The following MAGEL2 variants were observed in gnomAD, a reference collection of about 807,000 sequenced individuals.
The protein encoded by MAGEL2 is MAGE-like protein 2.
For synonymous variants in MAGEL2, 792 were observed against 721.7 expected (o/e 1.10, Z -1.56); for missense variants, 1,830 against 1,699.2 (o/e 1.08, Z -1.35).
At position 23,646,739 on chromosome 15, in the gene MAGEL2, G is replaced by T. The variant is rs1271822234; in HGVS notation, c.1004C>A (p.Pro335His). The change falls in exon 1 of 1, where the codon CCT (proline) becomes CAT (histidine). Residue 335 changes from proline (P) to histidine (H), a missense_variant. Coordinates refer to ENST00000650528, the MANE Select transcript of MAGEL2 (RefSeq NM_019066.5). The surrounding 1 kb of genome is among the most constrained non-coding windows in gnomAD (Gnocchi z 4.2). Reference sequence around the variant, plus strand: ...TTGAGACTGGATTTGCAGGATCAGAGGCTGAGCCTGCGGGGCCCAAGAAGC... The same window carrying T: ...TTGAGACTGGATTTGCAGGATCAGATGCTGAGCCTGCGGGGCCCAAGAAGC... ...PMASWAPQAQ[P>H]LILQIQSQVI... 9 of 1,534,568 alleles carry T rather than the reference G, an allele frequency of 5.9e-6. No individual in the cohort carries two copies. The highest frequency in any genetic ancestry group is 7.9e-6 in the Non-Finnish European group (9 of 1,145,950).
At position 23,644,612 on chromosome 15, in the gene MAGEL2, G is replaced by C. The variant is rs1267004913; in HGVS notation, c.3131C>G (p.Ser1044Trp). 1.2e-6 allele frequency: 2 copies of C among 1,613,812 alleles called. No homozygotes were observed. The highest frequency in any genetic ancestry group is 2.2e-5 in the South Asian group (2 of 91,056). Residue 1044 changes from serine to tryptophan, a missense_variant, in exon 1 of 1, where the codon TCG becomes TGG. Physicochemically the swap from Ser to Trp is radical, Grantham distance 177. Transcript: ENST00000650528. Reference sequence around the variant, plus strand: ...TCGGAGGATGACTTTCACCATCTCCGAGCGCTGGACAGGCACCTTGGCTTG... The same window carrying C: ...TCGGAGGATGACTTTCACCATCTCCCAGCGCTGGACAGGCACCTTGGCTTG... ...KDQAKVPVQRSEMVKVILREY... is the reference protein window; with the variant it reads ...KDQAKVPVQRWEMVKVILREY...
Position 23,644,897 on chromosome 15 carries a change from G to A in MAGEL2, c.2846C>T (p.Pro949Leu). Residue 949 changes from proline (P) to leucine (L), a missense_variant, in exon 1 of 1, where the codon CCT becomes CTT. Coordinates refer to ENST00000650528, the MANE Select transcript of MAGEL2 (RefSeq NM_019066.5). Reference protein sequence around the residue: ...TPRGLSGWEGPSTSRILSGWE... With the variant: ...TPRGLSGWEGLSTSRILSGWE... ...GCCACTCAGGATCCTGGAGGTGCTA[G>A]GGCCCTCCCAACCACTCAGGCCACG... 2 of 1,612,958 alleles carry A rather than the reference G, an allele frequency of 1.2e-6. No homozygotes were observed. Among genetic ancestry groups the A allele is most frequent in the South Asian group, 2.2e-5 (2 of 91,080 alleles).
rs756631995 is a variant in MAGEL2, at chr15:23,643,944, A to T, written c.*49T>A. ...AACAAAAATGTCCCCCCACCCTGTC[A>T]GTGGCCTCTGGCCAGGGAAACACAG... On this transcript the variant is annotated 3_prime_UTR_variant, in exon 1 of 1. Transcript: ENST00000650528. 6 of 1,494,870 alleles carry T rather than the reference A, an allele frequency of 4.0e-6. No homozygotes were observed. In the Admixed American group the frequency reaches 1.4e-4, roughly 35 times the overall value. The allele number at this position is 1,494,870 out of a possible 1,614,324, so 92.6% of individuals were successfully genotyped here.
chr15:23,646,784 G>A lies in MAGEL2; in HGVS notation c.959C>T (p.Ala320Val), dbSNP rs541606785. Residue 320 changes from alanine (A) to valine (V), a missense_variant, in exon 1 of 1, where the codon GCC (alanine) becomes GTC (valine). Coordinates refer to ENST00000650528, the MANE Select transcript of MAGEL2 (RefSeq NM_019066.5). This position sits in a 1 kb window ranked among gnomAD's most constrained non-coding sequence, Gnocchi z 4.2. ...QPAAPPAQPM[A>V]PPAQPMASWA... The stretch of plus-strand genomic sequence containing the variant: ...AGAAGCCATCGGCTGTGCAGGTGGG[G>A]CCATCGGCTGTGCAGGTGGGGCCGC... The A allele has an allele frequency of 3.9e-6, 6 of 1,535,036 alleles. No homozygotes were observed. The highest frequency in any genetic ancestry group is 5.2e-6 in the Non-Finnish European group (6 of 1,146,808).
Position 23,645,112 on chromosome 15 carries a change from C to A in MAGEL2, c.2631G>T (p.Glu877Asp). Residue 877 changes from glutamate (E) to aspartate (D), a missense_variant, in exon 1 of 1, where the codon GAG becomes GAT. Transcript: ENST00000650528. ...TTQEASKTSV[E>D]PPRRSGKATR... ...TGGCCTTGCCGGAGCGGCGTGGCGG[C>A]TCGACGGAGGTCTTGGAGGCCTCTT... 1 of 1,613,806 alleles carries A rather than the reference C, an allele frequency of 6.2e-7. No homozygotes were observed. The highest frequency in any genetic ancestry group is 1.7e-5 in the Admixed American group (1 of 60,030).
At position 23,646,097 on chromosome 15, in the gene MAGEL2, G is replaced by A. The variant is rs1372142044; in HGVS notation, c.1646C>T (p.Thr549Met). ...APQVPTAPPATQVPAAPPAGP... is the reference protein window; with the variant it reads ...APQVPTAPPAMQVPAAPPAGP... Reference sequence around the variant, plus strand: ...AGCGGGCGGCGCCGCGGGTACCTGCGTAGCAGGTGGGGCCGTAGGCACCTG... The same window carrying A: ...AGCGGGCGGCGCCGCGGGTACCTGCATAGCAGGTGGGGCCGTAGGCACCTG... Residue 549 changes from threonine to methionine, a missense_variant, in exon 1 of 1, where the codon ACG becomes ATG. Transcript: ENST00000650528. The surrounding 1 kb of genome is among the most constrained non-coding windows in gnomAD (Gnocchi z 4.2). 7.0e-7 allele frequency: 1 copy of A among 1,431,462 alleles called. No individual in the cohort carries two copies. Among genetic ancestry groups the A allele is most frequent in the Non-Finnish European group, 9.1e-7 (1 of 1,101,608 alleles). 88.7% of individuals were successfully genotyped at this position (1,431,462 alleles called of 1,614,324 possible).
Position 23,644,620 on chromosome 15 carries a change from G to A in MAGEL2, c.3123C>T (p.Val1041=), listed in dbSNP as rs1890350309. ...TGACTTTCACCATCTCCGAGCGCTG[G>A]ACAGGCACCTTGGCTTGGTCCTTGA... ...LLVKDQAKVP[V]QRSEMVKVIL... is the part of the protein sequence containing the mutation. Residue 1041 remains valine (V), a synonymous_variant, in exon 1 of 1, where the codon GTC becomes GTT. Transcript: ENST00000650528. 6.2e-7 allele frequency: 1 copy of A among 1,613,870 alleles called. No individual in the cohort carries two copies.
rs1159570078 is a variant in MAGEL2 at position 23,646,855 on chromosome 15, A to G, written c.888T>C (p.Ala296=). ...VLMIHPPGAR[A]PMTQPPASGA... is the part of the protein sequence containing the mutation. ...CTGAAGCTGGAGGCTGGGTCATCGGAGCTCTCGCACCTGGAGGATGAATCA... is the reference window on the plus strand; with the variant it reads ...CTGAAGCTGGAGGCTGGGTCATCGGGGCTCTCGCACCTGGAGGATGAATCA... Residue 296 remains alanine, a synonymous_variant, in exon 1 of 1, where the codon GCT becomes GCC. Coordinates refer to ENST00000650528, the MANE Select transcript of MAGEL2 (RefSeq NM_019066.5). The surrounding 1 kb of genome is among the most constrained non-coding windows in gnomAD (Gnocchi z 4.2). The G allele has an allele frequency of 1.3e-6, 2 of 1,535,774 alleles. No homozygotes were observed. The highest frequency in any genetic ancestry group is 4.9e-5 in the East Asian group (2 of 40,810).
chr15:23,644,668 A>T lies in MAGEL2; in HGVS notation c.3075T>A (p.Asn1025Lys), dbSNP rs758835928. The T allele has an allele frequency of 6.2e-7, 1 of 1,613,718 alleles. No homozygotes were observed. The highest frequency in any genetic ancestry group is 8.5e-7 in the Non-Finnish European group (1 of 1,179,890). Residue 1025 changes from asparagine (N) to lysine (K), a missense_variant, in exon 1 of 1, where the codon AAT becomes AAA. Physicochemically the swap from Asn to Lys is moderately conservative, Grantham distance 94 (BLOSUM62 0). Transcript: ENST00000650528. ...TGACTAAGAGGAACTGCACCAACGC[A>T]TTTGCCCTCTCATCCAAGGGAGACA... ...QPLSPLDERA[N>K]ALVQFLLVKD...
chr15:23,645,183 A>G lies in MAGEL2; in HGVS notation c.2560T>C (p.Phe854Leu). 1 of 1,613,882 alleles carries G rather than the reference A, an allele frequency of 6.2e-7. No individual in the cohort carries two copies. Among genetic ancestry groups the G allele is most frequent in the South Asian group, 1.1e-5 (1 of 91,088 alleles). ...GGGGCAGCTGCTGTAGCCATCAGGA[A>G]GGTGGGCACTGCCTGCGATGCCTTT... ...ASKASQAVPTFLMATAAAPQA... is the reference protein window; with the variant it reads ...ASKASQAVPTLLMATAAAPQA... Residue 854 changes from phenylalanine to leucine, a missense_variant, in exon 1 of 1, where the codon TTC becomes CTC. Phe to Leu is a conservative substitution (Grantham distance 22). Coordinates refer to ENST00000650528, the MANE Select transcript of MAGEL2 (RefSeq NM_019066.5).
chr15:23,646,438 C>T lies in MAGEL2; in HGVS notation c.1305G>A (p.Pro435=), dbSNP rs755945170. The T allele has an allele frequency of 1.1e-4, 153 of 1,413,204 alleles. No homozygotes were observed. Among genetic ancestry groups the T allele is most frequent in the Admixed American group, 1.6e-4 (5 of 31,950 alleles). The allele number at this position is 1,413,204 out of a possible 1,614,324, so 87.5% of individuals were successfully genotyped here. A position where few individuals can be genotyped will look rare whatever the true frequency, so the allele number is the denominator to read the frequency against. The change falls in exon 1 of 1, where the codon CCG becomes CCA. Residue 435 remains proline, a synonymous_variant. Transcript: ENST00000650528. The surrounding 1 kb of genome is among the most constrained non-coding windows in gnomAD (Gnocchi z 4.2). ...PGPPPVRQAP[P]LIRQAPPVIR... is the part of the protein sequence containing the mutation. Reference sequence around the variant, plus strand: ...TCACCGGTGGGGCCTGGCGGATCAGCGGTGGGGCCTGTCGCACCGGTGGTG... The same window carrying T: ...TCACCGGTGGGGCCTGGCGGATCAGTGGTGGGGCCTGTCGCACCGGTGGTG...
Position 23,646,427 on chromosome 15 carries a change from T to C in MAGEL2, c.1316A>G (p.Gln439Arg). Residue 439 changes from glutamine to arginine, a missense_variant, in exon 1 of 1, where the codon CAG (glutamine) becomes CGG (arginine). Coordinates refer to ENST00000650528, the MANE Select transcript of MAGEL2 (RefSeq NM_019066.5). This position sits in a 1 kb window ranked among gnomAD's most constrained non-coding sequence, Gnocchi z 4.2. ...GGCCTGGCGGATCACCGGTGGGGCC[T>C]GGCGGATCAGCGGTGGGGCCTGTCG... ...PVRQAPPLIR[Q>R]APPVIRQAPP... is the part of the protein sequence containing the mutation. 7.1e-7 allele frequency: 1 copy of C among 1,408,280 alleles called. No individual in the cohort carries two copies. The highest frequency in any genetic ancestry group is 9.2e-7 in the Non-Finnish European group (1 of 1,092,692). The allele number at this position is 1,408,280 out of a possible 1,614,324, so 87.2% of individuals were successfully genotyped here. A position where few individuals can be genotyped will look rare whatever the true frequency, so the allele number is the denominator to read the frequency against.
At position 23,644,522 on chromosome 15, in the gene MAGEL2, C is replaced by A; in HGVS notation, c.3221G>T (p.Gly1074Val). Residue 1074 changes from glycine to valine, a missense_variant, in exon 1 of 1, where the codon GGT (glycine) becomes GTT (valine). Coordinates refer to ENST00000650528, the MANE Select transcript of MAGEL2 (RefSeq NM_019066.5). Reference protein sequence around the residue: ...RANNKLECAFGYQLKEIDTKN... With the variant: ...RANNKLECAFVYQLKEIDTKN... The stretch of plus-strand genomic sequence containing the variant: ...GGTATCAATTTCTTTCAATTGATAA[C>A]CAAAGGCACACTCCAGCTTATTGTT... The A allele has an allele frequency of 6.2e-7, 1 of 1,613,730 alleles. No individual in the cohort carries two copies. Among genetic ancestry groups the A allele is most frequent in the East Asian group, 2.2e-5 (1 of 44,836 alleles).
In MAGEL2 at chr15:23,644,577, C is replaced by T. The variant is rs930436568; in HGVS notation, c.3166G>A (p.Asp1056Asn). Residue 1056 changes from aspartate to asparagine, a missense_variant, in exon 1 of 1, where the codon GAT (aspartate) becomes AAT (asparagine). By Grantham distance (23) the Asp-to-Asn change is conservative. Transcript: ENST00000650528. The part of the protein sequence containing the change: ...MVKVILREYK[D>N]ECLDIINRAN... ...CGGTTGATGATATCTAAGCACTCAT[C>T]TTTATACTCTCGGAGGATGACTTTC... 13 of 1,613,846 alleles carry T rather than the reference C, an allele frequency of 8.1e-6. No homozygotes were observed. Among genetic ancestry groups the T allele is most frequent in the Non-Finnish European group, 1.1e-5 (13 of 1,179,902 alleles).
At position 23,646,818 on chromosome 15, in the gene MAGEL2, C is replaced by T. The variant is rs1007122664; in HGVS notation, c.925G>A (p.Ala309Thr). Residue 309 changes from alanine to threonine, a missense_variant, in exon 1 of 1, where the codon GCA (alanine) becomes ACA (threonine). Ala to Thr is a moderately conservative substitution (Grantham distance 58). Coordinates refer to ENST00000650528, the MANE Select transcript of MAGEL2 (RefSeq NM_019066.5). The surrounding 1 kb of genome is among the most constrained non-coding windows in gnomAD (Gnocchi z 4.2). ...TGTGCAGGTGGGGCCGCCGGCTGTGCCATCGGTGCTCCTGAAGCTGGAGGC... is the reference window on the plus strand; with the variant it reads ...TGTGCAGGTGGGGCCGCCGGCTGTGTCATCGGTGCTCCTGAAGCTGGAGGC... ...TQPPASGAPM[A>T]QPAAPPAQPM... is the part of the protein sequence containing the mutation. The T allele has an allele frequency of 6.5e-6, 10 of 1,536,262 alleles. No homozygotes were observed. The Admixed American group carries it at 2.0e-4, about 30-fold the overall frequency.
In MAGEL2 at chr15:23,643,685, T is replaced by C. The variant is rs189280500; in HGVS notation, c.*308A>G. The C allele has an allele frequency of 2.4e-5, 7 of 293,654 alleles. No homozygotes were observed. In the East Asian group the frequency reaches 3.0e-4, roughly 12 times the overall value. 18.2% of individuals were successfully genotyped at this position (293,654 alleles called of 1,614,324 possible). ...TGAACTATACCAGAAATGAGATGGA[T>C]AGCTTCTCAATTCATTTCACAAAGC... On this transcript the variant is annotated 3_prime_UTR_variant, in exon 1 of 1. Coordinates refer to ENST00000650528, the MANE Select transcript of MAGEL2 (RefSeq NM_019066.5).
chr15:23,647,738 G>A lies in MAGEL2; in HGVS notation c.5C>T (p.Ser2Leu). The A allele has an allele frequency of 6.9e-7, 1 of 1,453,082 alleles. No homozygotes were observed. Among genetic ancestry groups the A allele is most frequent in the Non-Finnish European group, 9.0e-7 (1 of 1,108,628 alleles). 90.0% of individuals were successfully genotyped at this position (1,453,082 alleles called of 1,614,324 possible). A position where few individuals can be genotyped will look rare whatever the true frequency, so the allele number is the denominator to read the frequency against. Residue 2 changes from serine to leucine, a missense_variant, in exon 1 of 1, where the codon TCG becomes TTG. Coordinates refer to ENST00000650528, the MANE Select transcript of MAGEL2 (RefSeq NM_019066.5). Reference protein sequence around the residue: MSQLSKNLGDSS... With the variant: MLQLSKNLGDSS... Reference sequence around the variant, plus strand: ...GTCACCCAGATTCTTACTTAGCTGCGACATGTCCCTTTGCTGACAGCTGGT... The same window carrying A: ...GTCACCCAGATTCTTACTTAGCTGCAACATGTCCCTTTGCTGACAGCTGGT...
chr15:23,645,675 G>A lies in MAGEL2; in HGVS notation c.2068C>T (p.Pro690Ser). The A allele has an allele frequency of 6.4e-7, 1 of 1,563,902 alleles. No homozygotes were observed. The highest frequency in any genetic ancestry group is 8.6e-7 in the Non-Finnish European group (1 of 1,158,100). ...LPLQPSWQAP[P>S]AVLQAQPGPP... ...CCGGGCTGGGCCTGCAAGACTGCAGGCGGTGCCTGCCAGGAAGGCTGGAGC... is the reference window on the plus strand; with the variant it reads ...CCGGGCTGGGCCTGCAAGACTGCAGACGGTGCCTGCCAGGAAGGCTGGAGC... Residue 690 changes from proline to serine, a missense_variant, in exon 1 of 1, where the codon CCT becomes TCT. Physicochemically the swap from Pro to Ser is moderately conservative, Grantham distance 74. Coordinates refer to ENST00000650528, the MANE Select transcript of MAGEL2 (RefSeq NM_019066.5).
At position 23,647,799 on chromosome 15, in the gene MAGEL2, T is replaced by C; in HGVS notation, c.-57A>G. The C allele has an allele frequency of 7.0e-7, 1 of 1,425,332 alleles. No individual in the cohort carries two copies. The highest frequency in any genetic ancestry group is 9.1e-7 in the Non-Finnish European group (1 of 1,094,128). The allele number at this position is 1,425,332 out of a possible 1,614,324, so 88.3% of individuals were successfully genotyped here. A position where few individuals can be genotyped will look rare whatever the true frequency, so the allele number is the denominator to read the frequency against. ...CTCGGACAGCTGCTGGGCCTTTTCC[T>C]CCAGAGAGAAGAGAATGCCTACGTG... On this transcript the variant is annotated 5_prime_UTR_variant, in exon 1 of 1. Coordinates refer to ENST00000650528, the MANE Select transcript of MAGEL2 (RefSeq NM_019066.5).
Sources: gnomAD v4.1 joint callset for allele counts on GRCh38, gnomAD v4.1.1 for gene constraint, Gnocchi (gnomAD v3.1) non-coding constraint, MANE v1.5 for transcripts, NCBI Gene and HGNC (gene_info 2026-07-23, HGNC 2026-07-21) for gene names.